The following DTX1 variants were observed in gnomAD, a reference collection of about 807,000 sequenced individuals.
The protein encoded by DTX1 is deltex E3 ubiquitin ligase 1, also known as E3 ubiquitin-protein ligase DTX1.
In DTX1, 26 loss-of-function variants were observed where a neutral mutation model predicts 57.8. The observed-to-expected ratio is 0.45, with a 90% CI of 0.33 to 0.62. The LOEUF is 0.62. DTX1 is among the 20% of genes least tolerant of loss of function. The pLI, the probability that DTX1 is intolerant of heterozygous loss-of-function variation, is 0.02. For synonymous variants in DTX1, 398 were observed against 394.1 expected, an observed-to-expected ratio of 1.01 and a Z score of -0.12; for missense variants, 704 against 895.3, an observed-to-expected ratio of 0.79 and a Z score of 2.73.
chr12:113,093,901 G>T lies in DTX1; in HGVS notation c.1166-137G>T. The stretch of plus-strand genomic sequence containing the variant: ...CAGCAACCCCTGACCTCTGACCCTG[G>T]CCAACCCTTGCCAGCCTGACCCCGG... On this transcript the variant is annotated intron_variant, in intron 5 of 9. Transcript: ENST00000548759. This position sits in a 1 kb window ranked among gnomAD's most constrained non-coding sequence, Gnocchi z 4.2. 7.0e-7 allele frequency: 1 copy of T among 1,431,156 alleles called. No individual in the cohort carries two copies. 88.7% of individuals were successfully genotyped at this position (1,431,156 alleles called of 1,614,324 possible).
intron 2 of DTX1, among the ~76,000 whole-genome samples, chr12:113,059,330 A>G (rs2044651211): frequency 6.6e-6 from 1 of 151,852 alleles, no homozygotes. Context: ...GGAGAAAATG[A>G]GAGAATGATG....
At chr12:113,087,117 G>A (rs908492680) in intron 3 of DTX1, among the ~76,000 whole-genome samples, 14 of 116,446 alleles carry the variant, frequency 1.2e-4, no homozygotes, top group East Asian at 4.1e-4. Flanking sequence ...CTGGAGGACC[G>A]GGAGGGTTGA....
At chr12:113,082,988 A>G (rs1437414638) in intron 3 of DTX1, among the ~76,000 whole-genome samples, 3 of 152,178 alleles carry the variant, frequency 2.0e-5, no homozygotes, top group South Asian at 2.1e-4. Flanking sequence ...TCTCTTTCAC[A>G]TTCTTGAGAC....
chr12:113,094,725 C>T, intron 6 of DTX1, 64 bp from the exon 7 acceptor site: 1 of 1,561,666 alleles, frequency 6.4e-7, no homozygotes, highest in Non-Finnish European at 8.7e-7. Flanking sequence ...CACCAAGGGG[C>T]AGTGCTGACC....
chr12:113,097,276 GAAGAGACAGA>G lies in DTX1; in HGVS notation c.*342_*351del. ...CTGTACTTGCCCCCAGGCTGGAAGA[GAAGAGACAGA>G]AAGACCCCATGACCCCCCCATGTGG... On this transcript the variant is annotated 3_prime_UTR_variant, in exon 10 of 10. Transcript: ENST00000548759. The G allele has an allele frequency of 3.7e-6, 1 of 267,438 alleles. No homozygotes were observed. Among genetic ancestry groups the G allele is most frequent in the Non-Finnish European group, 7.1e-6 (1 of 141,408 alleles). The allele number at this position is 267,438 out of a possible 1,614,324, so 16.6% of individuals were successfully genotyped here.
At position 113,095,137 on chromosome 12, in the gene DTX1, C is replaced by A. The variant is rs372810439; in HGVS notation, c.1482C>A (p.His494Gln). 1.2e-6 allele frequency: 2 copies of A among 1,613,574 alleles called. No individual in the cohort carries two copies. Among genetic ancestry groups the A allele is most frequent in the Non-Finnish European group, 1.7e-6 (2 of 1,179,620 alleles). Residue 494 changes from histidine (H) to glutamine (Q), a missense_variant, in exon 8 of 10, where the codon CAC (histidine) becomes CAA (glutamine). Physicochemically the swap from His to Gln is conservative, Grantham distance 24. Transcript: ENST00000548759. ...PGKMEFHLIP[H>Q]SLPGFPDTQT... is the part of the protein sequence containing the mutation. ...AGATGGAGTTCCACCTCATCCCCCA[C>A]TCGCTGCCCGGCTTCCCTGATACCC...
intron 2 of DTX1, among the ~76,000 whole-genome samples, chr12:113,076,599 C>G (rs1250863114): frequency 6.6e-6 from 1 of 151,758 alleles, no homozygotes; most frequent in Non-Finnish European, 1.5e-5. Flanking sequence ...ACCCCTGTCT[C>G]TAAATAAATA....
Position 113,093,457 on chromosome 12 carries a change from G to GCC in DTX1, c.1004-79_1004-78dup. On this transcript the variant is annotated intron_variant, in intron 4 of 9. Coordinates refer to ENST00000548759, the MANE Select transcript of DTX1 (RefSeq NM_004416.3). The surrounding 1 kb of genome is among the most constrained non-coding windows in gnomAD (Gnocchi z 4.2). ...GCGCAACCCTCCCACCCACCCGAGG[G>GCC]CCCCGGGATTCCCAGGGCCAGTGGT... 1 of 1,148,542 alleles carries GCC rather than the reference G, an allele frequency of 8.7e-7. No individual in the cohort carries two copies. Among genetic ancestry groups the GCC allele is most frequent in the Non-Finnish European group, 1.2e-6 (1 of 836,858 alleles). 71.1% of individuals were successfully genotyped at this position (1,148,542 alleles called of 1,614,324 possible).
Position 113,077,757 on chromosome 12 carries a change from A to G in DTX1, c.593A>G (p.Gln198Arg). 6.5e-7 allele frequency: 1 copy of G among 1,527,402 alleles called. No individual in the cohort carries two copies. The highest frequency in any genetic ancestry group is 8.7e-7 in the Non-Finnish European group (1 of 1,143,056). The allele number at this position is 1,527,402 out of a possible 1,614,324, so 94.6% of individuals were successfully genotyped here. A position where few individuals can be genotyped will look rare whatever the true frequency, so the allele number is the denominator to read the frequency against. The change falls in exon 3 of 10, where the codon CAG becomes CGG. Residue 198 changes from glutamine to arginine, a missense_variant. This residue lies in a region of DTX1 where 237 missense variants were observed against 328.6 expected (regional missense o/e 0.72). Coordinates refer to ENST00000548759, the MANE Select transcript of DTX1 (RefSeq NM_004416.3). This position sits in a 1 kb window ranked among gnomAD's most constrained non-coding sequence, Gnocchi z 7.8. Reference protein sequence around the residue: ...QSWPVGASSGQPCSCQQCLLV... With the variant: ...QSWPVGASSGRPCSCQQCLLV... ...TGGCCCGTGGGCGCCAGCTCGGGCC[A>G]GCCCTGCTCCTGCCAGCAGTGCCTG... is the stretch of plus-strand genomic sequence containing the variant.
rs755246547 is a variant in DTX1 at position 113,093,260 on chromosome 12, C to A, written c.1003+37C>A. The A allele has an allele frequency of 1.3e-6, 2 of 1,559,778 alleles. No individual in the cohort carries two copies. Among genetic ancestry groups the A allele is most frequent in the Non-Finnish European group, 8.7e-7 (1 of 1,151,512 alleles). On this transcript the variant is annotated intron_variant, in intron 4 of 9. Coordinates refer to ENST00000548759, the MANE Select transcript of DTX1 (RefSeq NM_004416.3). The surrounding 1 kb of genome is among the most constrained non-coding windows in gnomAD (Gnocchi z 4.2). ...CCCAGGGCGGGAAAGAAGGGCGGGG[C>A]CCACTAGGAGGCAGCTCCGCCTGTC...
intron 3 of DTX1, among the ~76,000 whole-genome samples, chr12:113,084,966 A>G (rs2044844999): frequency 7.2e-6 from 1 of 139,564 alleles, no homozygotes; most frequent in African/African-American, 2.8e-5. Flanking sequence ...CAGTTTTTGC[A>G]TCTGTGAAAT....
chr12:113,058,806 G>A (rs1592839561), intron 2 of DTX1, among the ~76,000 whole-genome samples: 1 of 152,186 alleles, frequency 6.6e-6, no homozygotes, highest in South Asian at 2.1e-4. Flanking sequence ...TAGAATAAGG[G>A]CTTTACATGC....
intron 3 of DTX1, among the ~76,000 whole-genome samples, chr12:113,087,004 G>A (rs2044864250): frequency 6.6e-6 from 1 of 151,598 alleles, no homozygotes; most frequent in Admixed American, 6.6e-5. Flanking sequence ...GCTGCCCCGG[G>A]CCGTGGGAAC....
rs368498328 is a variant in DTX1, at chr12:113,094,889, G to A, written c.1328G>A (p.Arg443His). 52 of 1,613,576 alleles carry A rather than the reference G, an allele frequency of 3.2e-5. No homozygotes were observed. The highest frequency in any genetic ancestry group is 3.3e-4 in the Middle Eastern group (2 of 6,068). Reference sequence around the variant, plus strand: ...CCTGAGCTCGTGGGCCGCCTGGGCCGCTGTGGCCACATGTACCACCTGCTG... The same window carrying A: ...CCTGAGCTCGTGGGCCGCCTGGGCCACTGTGGCCACATGTACCACCTGCTG... ...VRPELVGRLGRCGHMYHLLCL... is the reference protein window; with the variant it reads ...VRPELVGRLGHCGHMYHLLCL... The change falls in exon 7 of 10, where the codon CGC becomes CAC. Residue 443 changes from arginine (R) to histidine (H), a missense_variant. Transcript: ENST00000548759.
chr12:113,093,433 C>A lies in DTX1; in HGVS notation c.1004-106C>A. On this transcript the variant is annotated intron_variant, in intron 4 of 9. Coordinates refer to ENST00000548759, the MANE Select transcript of DTX1 (RefSeq NM_004416.3). The surrounding 1 kb of genome is among the most constrained non-coding windows in gnomAD (Gnocchi z 4.2). ...GGGCTGAGTGGGTGGGGCCCAAGAGCGCAACCCTCCCACCCACCCGAGGGC... is the reference window on the plus strand; with the variant it reads ...GGGCTGAGTGGGTGGGGCCCAAGAGAGCAACCCTCCCACCCACCCGAGGGC... 8.4e-7 allele frequency: 1 copy of A among 1,188,880 alleles called. No individual in the cohort carries two copies. The highest frequency in any genetic ancestry group is 1.5e-5 in the African/African-American group (1 of 64,810). The allele number at this position is 1,188,880 out of a possible 1,614,324, so 73.6% of individuals were successfully genotyped here.
intron 3 of DTX1, among the ~76,000 whole-genome samples, chr12:113,079,329 G>A (rs868482799): frequency 6.6e-6 from 1 of 152,024 alleles, no homozygotes; most frequent in African/African-American, 2.4e-5. Context: ...ATGATGGTCC[G>A]AGATCACCAA....
intron 3 of DTX1, among the ~76,000 whole-genome samples, chr12:113,081,483 C>T (rs1190825355): frequency 6.6e-6 from 1 of 152,124 alleles, no homozygotes; most frequent in African/African-American, 2.4e-5. Flanking sequence ...TGTGTCCTCC[C>T]GGGGCACACA....
intron 3 of DTX1, among the ~76,000 whole-genome samples, chr12:113,088,636 G>A (rs1208686779): frequency 5.3e-5 from 8 of 152,204 alleles, no homozygotes; most frequent in South Asian, 4.1e-4. Flanking sequence ...ATGTCAGGTC[G>A]TGATTAGTGC....
rs1292758576 is a variant in DTX1 at position 113,077,792 on chromosome 12, A to G, written c.628A>G (p.Ser210Gly). The G allele has an allele frequency of 1.3e-6, 2 of 1,508,556 alleles. No homozygotes were observed. Among genetic ancestry groups the G allele is most frequent in the Admixed American group, 2.1e-5 (1 of 46,536 alleles). 93.4% of individuals were successfully genotyped at this position (1,508,556 alleles called of 1,614,324 possible). A position where few individuals can be genotyped will look rare whatever the true frequency, so the allele number is the denominator to read the frequency against. ...CTGCCAGCAGTGCCTGCTGGTCAACAGCACGCGCGCCGCCTCCAACGCCAT... is the reference window on the plus strand; with the variant it reads ...CTGCCAGCAGTGCCTGCTGGTCAACGGCACGCGCGCCGCCTCCAACGCCAT... ...CSCQQCLLVN[S>G]TRAASNAILA... The change falls in exon 3 of 10, where the codon AGC (serine) becomes GGC (glycine). Residue 210 changes from serine to glycine, a missense_variant. This residue lies in a region of DTX1 where 237 missense variants were observed against 328.6 expected (regional missense o/e 0.72). Coordinates refer to ENST00000548759, the MANE Select transcript of DTX1 (RefSeq NM_004416.3). The surrounding 1 kb of genome is among the most constrained non-coding windows in gnomAD (Gnocchi z 7.8).
Sources: gnomAD v4.1 joint callset for allele counts (sites outside exome capture counted in the v4.1 genomes callset) on GRCh38, gnomAD v4.1.1 for gene constraint, gnomAD v4.1.1 regional missense constraint, Gnocchi (gnomAD v3.1) non-coding constraint, MANE v1.5 for transcripts, NCBI Gene and HGNC (gene_info 2026-07-23, HGNC 2026-07-21) for gene names.